The following ADAM10 variants were observed in gnomAD, a reference collection of about 807,000 sequenced individuals.
ADAM10 encodes the protein ADAM metallopeptidase domain 10.
ADAM10 carries 17 observed loss-of-function variants against 90.1 expected under a neutral mutation model. The ratio of observed to expected loss-of-function variants is 0.19; its 90% CI spans 0.13 to 0.28. The LOEUF is 0.28. ADAM10 is among the 10% of genes least tolerant of loss of function. The probability of loss-of-function intolerance (pLI) is 1.00; values close to 1 mark genes in which losing one functional copy is unlikely to be tolerated. For missense variants in ADAM10, 610 were observed against 914.3 expected (o/e 0.67, Z 4.29); for synonymous variants, 310 against 298.6 (o/e 1.04, Z -0.40).
intron 2 of ADAM10, among the ~76,000 whole-genome samples, chr15:58,709,168 C>G (rs1426064200): frequency 6.6e-6 from 1 of 152,070 alleles, no homozygotes; most frequent in Non-Finnish European, 1.5e-5. Flanking sequence ...AACCTTTAGT[C>G]ACATAAAATC....
At chr15:58,703,211 G>A (rs1023730178) in intron 2 of ADAM10, among the ~76,000 whole-genome samples, 18 of 146,364 alleles carry the variant, frequency 1.2e-4, no homozygotes, top group African/African-American at 2.5e-4. Flanking sequence ...TTTAGACTTC[G>A]ACTCAACAGT....
At chr15:58,691,740 T>G in intron 2 of ADAM10, 1 of 345,136 alleles carries the variant, frequency 2.9e-6, no homozygotes, top group Non-Finnish European at 5.5e-6. Flanking sequence ...CTTAGTGCAG[T>G]GGCATGATCT....
At chr15:58,671,011 C>T (rs1897179626) in intron 4 of ADAM10, among the ~76,000 whole-genome samples, 2 of 152,090 alleles carry the variant, frequency 1.3e-5, no homozygotes, top group Admixed American at 1.3e-4. Context: ...TCTAACATAT[C>T]ACCTTGATTT....
chr15:58,688,007 C>T (rs1223900948), intron 2 of ADAM10, among the ~76,000 whole-genome samples: 3 of 152,052 alleles, frequency 2.0e-5, no homozygotes, highest in African/African-American at 7.2e-5. Flanking sequence ...ACCCATGTGA[C>T]AAAATTGCAC....
chr15:58,626,486 T>C (rs1895948915), intron 10 of ADAM10, among the ~76,000 whole-genome samples: 2 of 152,086 alleles, frequency 1.3e-5, no homozygotes, highest in South Asian at 4.1e-4. Flanking sequence ...TCTTGTGAAA[T>C]AGGACAAGGA....
At chr15:58,643,287 A>C (rs533920647) in intron 7 of ADAM10, among the ~76,000 whole-genome samples, 1 of 152,128 alleles carries the variant, frequency 6.6e-6, no homozygotes, top group Non-Finnish European at 1.5e-5. Flanking sequence ...AGTATTTTGG[A>C]ATCTGTTGAT....
chr15:58,693,242 G>A (rs2096181413), intron 2 of ADAM10: 1 of 589,774 alleles, frequency 1.7e-6, no homozygotes, highest in African/African-American at 1.8e-5. Flanking sequence ...AAGGTGGGCT[G>A]AGTGTCCAAA....
intron 2 of ADAM10, chr15:58,704,201 T>C (rs1386816128): frequency 6.6e-6 from 1 of 152,134 alleles, no homozygotes; most frequent in Non-Finnish European, 1.5e-5. Context: ...ATACAGTAAG[T>C]GAAATAAGTC....
intron 2 of ADAM10, among the ~76,000 whole-genome samples, chr15:58,701,025 A>T (rs1234758970): frequency 6.6e-6 from 1 of 150,750 alleles, no homozygotes; most frequent in East Asian, 1.9e-4. Flanking sequence ...AAAAAAACAA[A>T]AAAAAAAAAA....
intron 8 of ADAM10, among the ~76,000 whole-genome samples, chr15:58,637,396 A>C (rs533437330): frequency 6.6e-6 from 1 of 152,318 alleles, no homozygotes; most frequent in South Asian, 2.1e-4. Context: ...GACTCAAAAG[A>C]AGGGCAAAGA....
chr15:58,597,998 T>G (rs113479336), intron 15 of ADAM10, among the ~76,000 whole-genome samples: 6 of 152,318 alleles, frequency 3.9e-5, no homozygotes, highest in African/African-American at 1.4e-4. Context: ...AACAATTCAG[T>G]GCTCAGCAGC....
intron 2 of ADAM10, 33 bp from the exon 3 acceptor site, chr15:58,682,347 A>T (rs200211411): frequency 4.8e-5 from 76 of 1,599,312 alleles, no homozygotes; most frequent in Non-Finnish European, 6.4e-5. Context: ...GGAACAACTG[A>T]AATTAAAAAG....
At chr15:58,612,081 C>T in intron 11 of ADAM10, 90 bp from the exon 12 acceptor site, 1 of 1,260,408 alleles carries the variant, frequency 7.9e-7, no homozygotes, top group Non-Finnish European at 1.1e-6. Context: ...CATTATTAGA[C>T]ATAGTACCAA....
intron 2 of ADAM10, among the ~76,000 whole-genome samples, chr15:58,701,004 TA>T (rs751224553): frequency 7.0e-5 from 4 of 56,958 alleles, no homozygotes; most frequent in Non-Finnish European, 1.2e-4. Context: ...AATTCCAACT[TA>T]AAAAAAAACA....
intron 2 of ADAM10, among the ~76,000 whole-genome samples, chr15:58,705,569 A>G (rs1332825475): frequency 6.6e-6 from 1 of 152,236 alleles, no homozygotes; most frequent in Non-Finnish European, 1.5e-5. Flanking sequence ...CTCAAGCTTT[A>G]GAAAAGCATT....
chr15:58,691,676 C>CTTTTTTTTTT lies in ADAM10; in HGVS notation c.207-9372_207-9363dup, dbSNP rs71116587. 1.9e-4 allele frequency: 45 copies of CTTTTTTTTTT among 231,862 alleles called. 1 individual carries two copies. Among genetic ancestry groups the CTTTTTTTTTT allele is most frequent in the African/African-American group, 4.4e-4 (10 of 22,482 alleles). 14.4% of individuals were successfully genotyped at this position (231,862 alleles called of 1,614,324 possible). On this transcript the variant is annotated intron_variant, in intron 2 of 15. Transcript: ENST00000260408. ...AGCTAAGCTCAAGCCACTTCTTCTT[C>CTTTTTTTTTT]TTTTTTTTTTTTTTTTTTTTTTTTT...
chr15:58,675,538 A>G (rs1453686259), intron 4 of ADAM10, among the ~76,000 whole-genome samples: 3 of 152,260 alleles, frequency 2.0e-5, no homozygotes, highest in African/African-American at 7.2e-5. Context: ...TAAGGGGCAG[A>G]GGACTAAGTG....
intron 8 of ADAM10, among the ~76,000 whole-genome samples, chr15:58,638,617 A>C (rs1220340955): frequency 2.3e-5 from 2 of 86,388 alleles, no homozygotes; most frequent in African/African-American, 1.7e-4. Flanking sequence ...TCTGTCTCAA[A>C]AAAAAAAAAA....
chr15:58,678,122 A>C (rs1897336334), intron 4 of ADAM10, among the ~76,000 whole-genome samples: 1 of 152,196 alleles, frequency 6.6e-6, no homozygotes, highest in Non-Finnish European at 1.5e-5. Context: ...GAATGAAAAT[A>C]CAGGGAAGTA....
Sources: allele counts gnomAD v4.1 joint callset (sites outside exome capture counted in the v4.1 genomes callset), GRCh38; gene constraint gnomAD v4.1.1; transcripts MANE v1.5; gene names NCBI Gene and HGNC (gene_info 2026-07-23, HGNC 2026-07-21).